PXYLP1: variants seen among roughly 807,000 people sequenced by gnomAD.
PXYLP1 encodes the protein acid phosphatase-like 2.
A neutral mutation model predicts 37.9 loss-of-function variants in PXYLP1; 17 were observed. The observed-to-expected ratio is 0.45, with a 90% confidence interval of 0.31 to 0.67. The LOEUF is 0.67. Ranked by LOEUF, PXYLP1 falls within the 30% of genes least tolerant of loss-of-function variation. The pLI is 0.07. For synonymous variants in PXYLP1, 221 were observed against 232.2 expected, an observed-to-expected ratio of 0.95 and a Z score of 0.44; for missense variants, 511 against 612.0, an observed-to-expected ratio of 0.84 and a Z score of 1.74.
rs200024544 is a variant in PXYLP1, at chr3:141,248,018, G to GTTTTTTT, written c.-53-12101_-53-12100insTTTTTTT. Among the ~76,000 whole-genome samples, 24 of 62,378 alleles carry GTTTTTTT rather than the reference G, an allele frequency of 3.8e-4. 2 individuals carry two copies. The highest frequency in any genetic ancestry group is 2.2e-3 in the East Asian group (6 of 2,702). 40.9% of individuals were successfully genotyped at this position (62,378 alleles called of 152,430 possible). A position where few individuals can be genotyped will look rare whatever the true frequency, so the allele number is the denominator to read the frequency against. On this transcript the variant is annotated intron_variant, in intron 1 of 5. Transcript: ENST00000286353. The stretch of plus-strand genomic sequence containing the variant: ...AGCTTCGGAGCTTTTAAGAGTTTTT[G>GTTTTTTT]TTTTGTTTTTTTTTTTTTTTTTGAG...
In PXYLP1 at chr3:141,278,499, A is replaced by AGGTAGG; in HGVS notation, c.238_238+5dup. 6.2e-7 allele frequency: 1 copy of AGGTAGG among 1,614,164 alleles called. No individual in the cohort carries two copies. Among genetic ancestry groups the AGGTAGG allele is most frequent in the Non-Finnish European group, 8.5e-7 (1 of 1,179,998 alleles). On this transcript the variant is annotated inframe_insertion and splice_region_variant, in exon 3 of 6. Coordinates refer to ENST00000286353, the MANE Select transcript of PXYLP1 (RefSeq NM_001037172.3). ...CCAGCGTGGCCGAGCGCAGCATGGA[A>AGGTAGG]GGTAGGCCTGACTGTGCCACCAGGA...
At chr3:141,287,492 C>G in intron 5 of PXYLP1, 39 bp downstream of exon 5, 1 of 1,599,106 alleles carries the variant, frequency 6.3e-7, no homozygotes, top group African/African-American at 1.3e-5. Context: ...TTCCCCCACC[C>G]GCTCTTCTGC....
At chr3:141,248,680 T>G (rs1368717176) in intron 1 of PXYLP1, among the ~76,000 whole-genome samples, 1 of 39,906 alleles carries the variant, frequency 2.5e-5, no homozygotes, top group Non-Finnish European at 4.0e-5. Flanking sequence ...CACGTGTATA[T>G]ATACACACGT....
intron 2 of PXYLP1, among the ~76,000 whole-genome samples, chr3:141,268,206 A>AGAGAGAGT (rs1325105026): frequency 9.7e-5 from 5 of 51,304 alleles, no homozygotes; most frequent in South Asian, 9.2e-4. Context: ...AGAGAGAGAG[A>AGAGAGAGT]GTGTGTGTGT....
At chr3:141,246,994 G>C (rs56254804) in intron 1 of PXYLP1, among the ~76,000 whole-genome samples, 34,760 of 152,210 alleles carry the variant, frequency 0.23, 5,724 homozygotes, top group African/African-American at 0.47. Flanking sequence ...GTCCAGTGGC[G>C]TTATGTGCTG....
At chr3:141,261,036 C>A (rs1941383032) in intron 2 of PXYLP1, among the ~76,000 whole-genome samples, 2 of 150,418 alleles carry the variant, frequency 1.3e-5, no homozygotes, top group South Asian at 2.1e-4. Flanking sequence ...GCCCTTGCCC[C>A]TTCTCCTCTA....
intron 2 of PXYLP1, among the ~76,000 whole-genome samples, chr3:141,275,459 T>G (rs1941768949): frequency 6.6e-6 from 1 of 152,234 alleles, no homozygotes; most frequent in African/African-American, 2.4e-5. Flanking sequence ...TGGCCCAGAC[T>G]CCAAGGGAGT....
chr3:141,241,326 C>T (rs1287773881), intron 1 of PXYLP1, among the ~76,000 whole-genome samples: 1 of 152,002 alleles, frequency 6.6e-6, no homozygotes, highest in African/African-American at 2.4e-5. Flanking sequence ...CCCTCCCTCC[C>T]TTCCCCTACA....
intron 2 of PXYLP1, chr3:141,262,808 T>C: frequency 2.0e-6 from 2 of 1,024,914 alleles, no homozygotes; most frequent in Non-Finnish European, 2.9e-6. Context: ...TGGTTGCTTA[T>C]TATTATACTG....
intron 5 of PXYLP1, among the ~76,000 whole-genome samples, chr3:141,290,915 C>T (rs1002303973): frequency 1.3e-5 from 2 of 152,120 alleles, no homozygotes; most frequent in African/African-American, 4.8e-5. Flanking sequence ...ATAAAATAGG[C>T]CCCGCAGTGA....
intron 1 of PXYLP1, among the ~76,000 whole-genome samples, chr3:141,237,299 A>G (rs1940683973): frequency 2.6e-5 from 4 of 152,264 alleles, no homozygotes; most frequent in Admixed American, 2.6e-4. Flanking sequence ...TGTAGCACCC[A>G]GAAACCTGAA....
At chr3:141,279,255 T>C in intron 3 of PXYLP1, 123 bp from the exon 4 acceptor site, 2 of 1,235,806 alleles carry the variant, frequency 1.6e-6, no homozygotes, top group Non-Finnish European at 2.3e-6. Flanking sequence ...AAACCCACGG[T>C]GGCCCCTGCT....
At chr3:141,272,139 G>A (rs1332215409) in intron 2 of PXYLP1, among the ~76,000 whole-genome samples, 1 of 152,190 alleles carries the variant, frequency 6.6e-6, no homozygotes, top group Non-Finnish European at 1.5e-5. Flanking sequence ...TATCAGGGAG[G>A]TTGGCTTGAC....
At chr3:141,281,649 G>T (rs1341429688) in intron 4 of PXYLP1, among the ~76,000 whole-genome samples, 1 of 152,208 alleles carries the variant, frequency 6.6e-6, no homozygotes. Flanking sequence ...GACCCCACCT[G>T]GGGCAGGGAG....
chr3:141,282,105 A>C (rs1030565753), intron 4 of PXYLP1, among the ~76,000 whole-genome samples: 5 of 152,110 alleles, frequency 3.3e-5, no homozygotes, highest in Admixed American at 6.5e-5. Flanking sequence ...CCACATCCTT[A>C]AAGTGCCCCA....
At chr3:141,274,117 C>T in intron 2 of PXYLP1, 1 of 995,770 alleles carries the variant, frequency 1.0e-6, no homozygotes, top group South Asian at 4.5e-5. Context: ...CTGGGCAAAG[C>T]CTGCTGGGAG....
rs1478594050 is a variant in PXYLP1 at position 141,273,519 on chromosome 3, G to C, written c.80-4823G>C. On this transcript the variant is annotated intron_variant, in intron 2 of 5. Coordinates refer to ENST00000286353, the MANE Select transcript of PXYLP1 (RefSeq NM_001037172.3). ...TTCGGGAGATGGGGTGGGGAAGGGT[G>C]GTGGGGAGGGAGCCTGCGTGGGATA... 8 of 985,380 alleles carry C rather than the reference G, an allele frequency of 8.1e-6. No homozygotes were observed. The African/African-American group carries it at 8.7e-5, about 11-fold the overall frequency. The allele number at this position is 985,380 out of a possible 1,614,324, so 61.0% of individuals were successfully genotyped here.
intron 1 of PXYLP1, among the ~76,000 whole-genome samples, chr3:141,238,354 G>T (rs1457143837): frequency 6.6e-6 from 1 of 152,210 alleles, no homozygotes; most frequent in African/African-American, 2.4e-5. Flanking sequence ...TGCCCGACTA[G>T]CACCTGCCAT....
intron 1 of PXYLP1, among the ~76,000 whole-genome samples, chr3:141,246,795 A>G (rs76030673): frequency 6.6e-6 from 1 of 152,194 alleles, no homozygotes. Flanking sequence ...GTGCCTTAAA[A>G]CAGCCGTCAT....
Sources: gnomAD v4.1 joint callset for allele counts (sites outside exome capture counted in the v4.1 genomes callset) on GRCh38, gnomAD v4.1.1 for gene constraint, MANE v1.5 for transcripts, NCBI Gene and HGNC (gene_info 2026-07-23, HGNC 2026-07-21) for gene names.